ANKRD45: variants seen among roughly 807,000 people sequenced by gnomAD.
ANKRD45 encodes ankyrin repeat domain-containing protein 45.
Under a neutral mutation model 28.1 loss-of-function variants are expected in ANKRD45, and 21 were observed. The observed-to-expected ratio is 0.75, with a 90% CI of 0.53 to 1.08. The LOEUF is 1.08. ANKRD45 is among the 50% of genes least tolerant of loss of function. The probability of loss-of-function intolerance (pLI) is 0.00; values close to 1 mark genes in which losing one functional copy is unlikely to be tolerated. For missense variants in ANKRD45, 261 were observed against 308.7 expected (o/e 0.85, Z 1.16); for synonymous variants, 86 against 103.9 (o/e 0.83, Z 1.05).
chr1:173,611,405 T>C (rs1399376841), intron 5 of ANKRD45, among the ~76,000 whole-genome samples: 2 of 152,176 alleles, frequency 1.3e-5, no homozygotes, highest in Non-Finnish European at 2.9e-5. Context: ...ATATGATTCA[T>C]GTTAGTTCTA....
intron 5 of ANKRD45, among the ~76,000 whole-genome samples, chr1:173,610,678 G>A (rs962775759): frequency 6.6e-6 from 1 of 151,956 alleles, no homozygotes; most frequent in African/African-American, 2.4e-5. Context: ...TGGTGGAGAG[G>A]TGGGAATAAC....
chr1:173,647,454 C>T (rs1023579818), intron 2 of ANKRD45, among the ~76,000 whole-genome samples: 3 of 152,178 alleles, frequency 2.0e-5, no homozygotes, highest in Admixed American at 1.3e-4. Flanking sequence ...CAAATTACTA[C>T]AACTGTGTAT....
intron 2 of ANKRD45, among the ~76,000 whole-genome samples, chr1:173,651,844 TC>T (rs1352232631): frequency 6.6e-6 from 1 of 152,198 alleles, no homozygotes; most frequent in Non-Finnish European, 1.5e-5. Context: ...CGTATTTTAT[TC>T]TCTTTGTAGC....
chr1:173,641,649 A>G (rs1482429121), intron 3 of ANKRD45, among the ~76,000 whole-genome samples: 1 of 152,138 alleles, frequency 6.6e-6, no homozygotes, highest in Non-Finnish European at 1.5e-5. Flanking sequence ...CTCTAATCCA[A>G]TTGACTATCC....
chr1:173,683,683 C>CA, the ANKRD45 span, among the ~76,000 whole-genome samples: 1 of 152,112 alleles, frequency 6.6e-6, no homozygotes, highest in East Asian at 1.9e-4. Context: ...AGACAGGTCT[C>CA]AGTTAATTTA....
chr1:173,691,166 C>T, the ANKRD45 span, among the ~76,000 whole-genome samples: 1 of 152,218 alleles, frequency 6.6e-6, no homozygotes, highest in African/African-American at 2.4e-5. Context: ...CTTCTCCTTC[C>T]TTGGTCCATG....
chr1:173,705,211 C>G, the ANKRD45 span, among the ~76,000 whole-genome samples: 1 of 152,130 alleles, frequency 6.6e-6, no homozygotes, highest in African/African-American at 2.4e-5. Context: ...AACTATGTGC[C>G]ACCAACTTGA....
chr1:173,614,276 A>T (rs1040957837), intron 5 of ANKRD45, among the ~76,000 whole-genome samples: 38 of 147,564 alleles, frequency 2.6e-4, no homozygotes, highest in South Asian at 4.1e-4. Context: ...AAAAAAAAAA[A>T]AATAAATAAA....
At chr1:173,618,023 C>CTA (rs1667540810) in intron 5 of ANKRD45, among the ~76,000 whole-genome samples, 1 of 152,146 alleles carries the variant, frequency 6.6e-6, no homozygotes, top group Non-Finnish European at 1.5e-5. Context: ...GAGCCATCCC[C>CTA]CAGCAAACTG....
the ANKRD45 span, among the ~76,000 whole-genome samples, chr1:173,695,902 C>T: frequency 1.3e-5 from 2 of 152,142 alleles, no homozygotes; most frequent in East Asian, 1.9e-4. Flanking sequence ...TTAGCCAGAC[C>T]GGTTATCTGC....
chr1:173,691,658 T>C, the ANKRD45 span, among the ~76,000 whole-genome samples: 1 of 152,002 alleles, frequency 6.6e-6, no homozygotes, highest in East Asian at 1.9e-4. Context: ...TGGTGGTGGG[T>C]GCCTTGTAGT....
the ANKRD45 span, among the ~76,000 whole-genome samples, chr1:173,688,537 CCTCT>C: frequency 3.4e-5 from 3 of 88,418 alleles, no homozygotes; most frequent in East Asian, 6.2e-4. Context: ...CCTCTCTCTC[CCTCT>C]CTCTCCCTCT....
intron 2 of ANKRD45, among the ~76,000 whole-genome samples, chr1:173,653,868 T>C (rs570080385): frequency 1.6e-4 from 24 of 152,216 alleles, no homozygotes; most frequent in African/African-American, 5.3e-4. Flanking sequence ...TTATCTCTTT[T>C]GATCTTTGTT....
At position 173,635,683 on chromosome 1, in the gene ANKRD45, C is replaced by T. The variant is rs944528517; in HGVS notation, c.497-8524G>A. The T allele has an allele frequency of 2.1e-5, 33 of 1,535,514 alleles. No homozygotes were observed. The African/African-American group carries it at 3.7e-4, about 17-fold the overall frequency. ...AAGTTAAGGGTTCTCCATCTCACTGCCTGCCTTATCTTCTGGATAAACTAT... is the reference window on the plus strand; with the variant it reads ...AAGTTAAGGGTTCTCCATCTCACTGTCTGCCTTATCTTCTGGATAAACTAT... On this transcript the variant is annotated intron_variant, in intron 3 of 5. Transcript: ENST00000333279.
At chr1:173,641,175 T>TAGG (rs1411537014) in intron 3 of ANKRD45, among the ~76,000 whole-genome samples, 1 of 152,230 alleles carries the variant, frequency 6.6e-6, no homozygotes, top group Non-Finnish European at 1.5e-5. Flanking sequence ...GCCATTGAGA[T>TAGG]AGGATATCAA....
At chr1:173,636,988 C>T in intron 3 of ANKRD45, 7 of 1,535,388 alleles carry the variant, frequency 4.6e-6, no homozygotes, top group Non-Finnish European at 5.2e-6. Context: ...AAATTAAGCA[C>T]TGCAAATTAA....
chr1:173,646,245 T>C (rs1326093523), intron 3 of ANKRD45, among the ~76,000 whole-genome samples: 1 of 152,128 alleles, frequency 6.6e-6, no homozygotes, highest in Non-Finnish European at 1.5e-5. Context: ...AAGTATAACT[T>C]ACAAACAGAA....
rs571713651 is a variant in ANKRD45 at position 173,614,663 on chromosome 1, AG to A, written c.731-4449del. 4.2e-3 allele frequency among the ~76,000 whole-genome samples: 634 copies of A among 152,256 alleles called. 4 individuals carry two copies. Among genetic ancestry groups the A allele is most frequent in the African/African-American group, 0.015 (603 of 41,560 alleles). Reference sequence around the variant, plus strand: ...TATGCACAAAGCAGAGAAAAATCTGAGGTTCCCAACACACATGTTCCCAGCA... The same window carrying A: ...TATGCACAAAGCAGAGAAAAATCTGAGTTCCCAACACACATGTTCCCAGCA... On this transcript the variant is annotated intron_variant, in intron 5 of 5. Transcript: ENST00000333279.
At chr1:173,664,806 G>C (rs1669938213) in intron 1 of ANKRD45, among the ~76,000 whole-genome samples, 1 of 152,112 alleles carries the variant, frequency 6.6e-6, no homozygotes, top group Admixed American at 6.5e-5. Flanking sequence ...TTCTTAACAA[G>C]TCATATATAT....
Sources: gnomAD v4.1 joint callset for allele counts (sites outside exome capture counted in the v4.1 genomes callset) on GRCh38, gnomAD v4.1.1 for gene constraint, MANE v1.5 for transcripts, NCBI Gene and HGNC (gene_info 2026-07-23, HGNC 2026-07-21) for gene names.